Variants in SOS2 observed in about 807,000 individuals in gnomAD.
SOS2 encodes son of sevenless homolog 2.
A neutral mutation model predicts 148.2 loss-of-function variants in SOS2; 65 were observed. The observed-to-expected ratio is 0.44, with a 90% confidence interval of 0.36 to 0.54. SOS2 has a LOEUF of 0.54. Among genes scored for constraint, SOS2 ranks in the 20% least tolerant of loss-of-function variants. The pLI is 0.00. For synonymous variants in SOS2, 539 were observed against 537.1 expected (o/e 1.00, Z -0.05); for missense variants, 1,341 against 1,590.2 (o/e 0.84, Z 2.67).
intron 19 of SOS2, among the ~76,000 whole-genome samples, chr14:50,133,708 A>T (rs183931540): frequency 6.6e-6 from 1 of 152,280 alleles, no homozygotes; most frequent in African/African-American, 2.4e-5. Flanking sequence ...GTAGCATCAA[A>T]TTCTAGTGAC....
At chr14:50,177,667 T>C (rs1885567923) in intron 7 of SOS2, among the ~76,000 whole-genome samples, 1 of 152,166 alleles carries the variant, frequency 6.6e-6, no homozygotes, top group Non-Finnish European at 1.5e-5. Context: ...TGAGTTAACT[T>C]TAAAAATATT....
Position 50,150,241 on chromosome 14 carries a change from A to AAC in SOS2, c.2162-13_2162-12dup. On this transcript the variant is annotated splice_polypyrimidine_tract_variant and intron_variant, in intron 13 of 22. Coordinates refer to ENST00000216373, the MANE Select transcript of SOS2 (RefSeq NM_006939.4). ...TTTTCATAGCTTTCCCTGGAAAAAG[A>AAC]ACACATAAAGAAAAATGTCTTTTAC... is the stretch of plus-strand genomic sequence containing the variant. 1 of 1,526,092 alleles carries AAC rather than the reference A, an allele frequency of 6.6e-7. No homozygotes were observed. The highest frequency in any genetic ancestry group is 9.1e-7 in the Non-Finnish European group (1 of 1,100,540). The allele number at this position is 1,526,092 out of a possible 1,614,324, so 94.5% of individuals were successfully genotyped here. A position where few individuals can be genotyped will look rare whatever the true frequency, so the allele number is the denominator to read the frequency against.
intron 8 of SOS2, among the ~76,000 whole-genome samples, chr14:50,173,886 A>G (rs73285529): frequency 0.017 from 2,611 of 152,286 alleles, 74 homozygotes; most frequent in African/African-American, 0.059. Context: ...TTCATGTCTT[A>G]TTAGAGGTCC....
chr14:50,181,559 T>C, intron 6 of SOS2, among the ~76,000 whole-genome samples: 1 of 151,820 alleles, frequency 6.6e-6, no homozygotes, highest in East Asian at 1.9e-4. Context: ...GGATAATAGA[T>C]AGTTAAAATA....
At chr14:50,174,346 A>T in intron 8 of SOS2, 108 bp downstream of exon 8, 1 of 452,234 alleles carries the variant, frequency 2.2e-6, no homozygotes, top group Non-Finnish European at 3.9e-6. Context: ...TTAAATACTT[A>T]CATAAAATAA....
chr14:50,125,611 A>G (rs1883657378), intron 21 of SOS2, among the ~76,000 whole-genome samples: 4 of 152,210 alleles, frequency 2.6e-5, no homozygotes. Context: ...ATGAAACCCT[A>G]CAGAGAGTAA....
intron 14 of SOS2, among the ~76,000 whole-genome samples, chr14:50,147,512 TAAAA>T (rs60438147): frequency 2.9e-5 from 3 of 105,248 alleles, no homozygotes; most frequent in Admixed American, 1.1e-4. Flanking sequence ...ACCCTGTTTC[TAAAA>T]AAAAAAAAAA....
Position 50,182,498 on chromosome 14 carries a change from G to T in SOS2, c.823C>A (p.Pro275Thr). ...TCTTCAAAACAGCTGCCAGCTAAGGGATGAGGACTGCTTTCATCAGTCATT... is the reference window on the plus strand; with the variant it reads ...TCTTCAAAACAGCTGCCAGCTAAGGTATGAGGACTGCTTTCATCAGTCATT... ...VEMTDESSPH[P>T]LAGSCFEDLA... Residue 275 changes from proline to threonine, a missense_variant, in exon 6 of 23, where the codon CCC (proline) becomes ACC (threonine). This residue lies in a region of SOS2 where 574 missense variants were observed against 711.1 expected (regional missense o/e 0.81). Coordinates refer to ENST00000216373, the MANE Select transcript of SOS2 (RefSeq NM_006939.4). The T allele has an allele frequency of 6.2e-7, 1 of 1,613,978 alleles. No individual in the cohort carries two copies. Among genetic ancestry groups the T allele is most frequent in the Middle Eastern group, 1.6e-4 (1 of 6,062 alleles).
intron 5 of SOS2, among the ~76,000 whole-genome samples, chr14:50,185,942 G>A (rs949862982): frequency 1.3e-5 from 2 of 152,014 alleles, no homozygotes; most frequent in Non-Finnish European, 2.9e-5. Flanking sequence ...TAATTTGCCC[G>A]TTATCACACA....
intron 5 of SOS2, among the ~76,000 whole-genome samples, chr14:50,187,664 T>C (rs1441168048): frequency 6.6e-6 from 1 of 152,196 alleles, no homozygotes; most frequent in Non-Finnish European, 1.5e-5. Flanking sequence ...TAATTATTTT[T>C]AAAGTGTGGG....
At chr14:50,135,882 TATAA>T (rs1191388491) in intron 18 of SOS2, among the ~76,000 whole-genome samples, 1 of 151,310 alleles carries the variant, frequency 6.6e-6, no homozygotes, top group African/African-American at 2.4e-5. Context: ...AACTCCTATA[TATAA>T]ATTTTTCTGT....
At chr14:50,152,276 G>A (rs76882263) in intron 13 of SOS2, among the ~76,000 whole-genome samples, 5,373 of 152,080 alleles carry the variant, frequency 0.035, 142 homozygotes, top group African/African-American at 0.081. Flanking sequence ...AAATGTTCAT[G>A]GCCTAGGGTT....
At chr14:50,125,912 CCCCA>C (rs1437862995) in intron 21 of SOS2, among the ~76,000 whole-genome samples, 3 of 152,162 alleles carry the variant, frequency 2.0e-5, no homozygotes, top group Admixed American at 6.5e-5. Context: ...GGCGAGATTG[CCCCA>C]GGCAGAAGAT....
At chr14:50,131,765 A>C (rs1883882186) in intron 19 of SOS2, among the ~76,000 whole-genome samples, 1 of 152,238 alleles carries the variant, frequency 6.6e-6, no homozygotes, top group Non-Finnish European at 1.5e-5. Context: ...CAAAGAAATC[A>C]GCTGTTTACA....
intron 1 of SOS2, among the ~76,000 whole-genome samples, chr14:50,218,588 GAACA>G (rs1887108478): frequency 6.6e-6 from 1 of 151,770 alleles, no homozygotes; most frequent in Admixed American, 6.6e-5. Context: ...CCAAAGATCT[GAACA>G]AACACTTCAC....
At chr14:50,169,748 A>C (rs1322461269) in intron 8 of SOS2, among the ~76,000 whole-genome samples, 1 of 152,102 alleles carries the variant, frequency 6.6e-6, no homozygotes, top group Non-Finnish European at 1.5e-5. Flanking sequence ...AACAATTTAT[A>C]TTGCATGGCA....
intron 1 of SOS2, among the ~76,000 whole-genome samples, chr14:50,208,677 T>C (rs560312862): frequency 6.6e-6 from 1 of 152,194 alleles, no homozygotes; most frequent in Non-Finnish European, 1.5e-5. Context: ...CAAAAAAAGC[T>C]ACAATAAAAT....
intron 8 of SOS2, among the ~76,000 whole-genome samples, chr14:50,173,816 T>A (rs10133273): frequency 0.9 from 136,542 of 152,242 alleles, 61,410 homozygotes; most frequent in African/African-American, 0.95. Context: ...AAAGATATGC[T>A]GGCTTCATAT....
At chr14:50,208,609 C>T (rs574361267) in intron 1 of SOS2, among the ~76,000 whole-genome samples, 2 of 151,552 alleles carry the variant, frequency 1.3e-5, no homozygotes, top group Non-Finnish European at 2.9e-5. Flanking sequence ...ATCATGCCAC[C>T]GCACTCCAGC....
Sources: gnomAD v4.1 joint callset for allele counts (sites outside exome capture counted in the v4.1 genomes callset) on GRCh38, gnomAD v4.1.1 for gene constraint, gnomAD v4.1.1 regional missense constraint, MANE v1.5 for transcripts, NCBI Gene and HGNC (gene_info 2026-07-23, HGNC 2026-07-21) for gene names.